The following CTNND2 variants were observed in gnomAD, a reference collection of about 807,000 sequenced individuals.
CTNND2 encodes catenin delta 2.
In CTNND2, 22 loss-of-function variants were observed where a neutral mutation model predicts 144.4. The ratio of observed to expected loss-of-function variants is 0.15; its 90% CI spans 0.11 to 0.22. The LOEUF (loss-of-function observed/expected upper bound fraction) is 0.22, where lower values mean the gene tolerates loss of function less well. Ranked by LOEUF, CTNND2 falls within the 10% of genes least tolerant of loss-of-function variation. CTNND2 has a pLI of 1.00. For missense variants in CTNND2, 1,353 were observed against 1,618.8 expected, an observed-to-expected ratio of 0.84 and a Z score of 2.82; for synonymous variants, 751 against 695.6, an observed-to-expected ratio of 1.08 and a Z score of -1.25.
intron 3 of CTNND2, among the ~76,000 whole-genome samples, chr5:11,564,545 G>A (rs2150106613): frequency 6.6e-6 from 1 of 151,870 alleles, no homozygotes; most frequent in East Asian, 1.9e-4. Flanking sequence ...TTATGTATTA[G>A]CAAAAACAAT....
chr5:11,513,624 T>G (rs534498591), intron 3 of CTNND2, among the ~76,000 whole-genome samples: 11 of 152,328 alleles, frequency 7.2e-5, no homozygotes, highest in African/African-American at 2.6e-4. Context: ...TGAAGATCCC[T>G]AAGTATGTAT....
chr5:11,615,241 G>A (rs1481939406), intron 2 of CTNND2, among the ~76,000 whole-genome samples: 1 of 151,990 alleles, frequency 6.6e-6, no homozygotes, highest in African/African-American at 2.4e-5. Flanking sequence ...TACCTTTAAT[G>A]GCAAAAACCG....
intron 2 of CTNND2, among the ~76,000 whole-genome samples, chr5:11,718,494 A>C (rs1786479507): frequency 6.6e-6 from 1 of 152,162 alleles, no homozygotes; most frequent in Non-Finnish European, 1.5e-5. Flanking sequence ...GATTTCCCCA[A>C]AGCCTCTTGA....
At chr5:11,235,881 C>T (rs1265704761) in intron 10 of CTNND2, among the ~76,000 whole-genome samples, 3 of 152,202 alleles carry the variant, frequency 2.0e-5, no homozygotes, top group Non-Finnish European at 4.4e-5. Flanking sequence ...TCAAATCTCT[C>T]TTTCCACTCT....
intron 3 of CTNND2, among the ~76,000 whole-genome samples, chr5:11,470,905 G>GATGTCTAA (rs1767122195): frequency 7.1e-6 from 1 of 141,384 alleles, no homozygotes; most frequent in Non-Finnish European, 1.5e-5. Context: ...TTTCAACCAA[G>GATGTCTAA]ATGTCTAAGT....
chr5:11,014,128 C>T (rs1741371659), intron 18 of CTNND2, among the ~76,000 whole-genome samples: 1 of 152,206 alleles, frequency 6.6e-6, no homozygotes, highest in African/African-American at 2.4e-5. Flanking sequence ...GCAACTACTT[C>T]TTGGAGATGT....
Position 11,398,801 on chromosome 5 carries a change from A to G in CTNND2, c.440-1598T>C, listed in dbSNP as rs61749778. Among the ~76,000 whole-genome samples the G allele has an allele frequency of 3.0e-3, 452 of 152,326 alleles. 4 individuals are homozygous for G. The highest frequency in any genetic ancestry group is 0.01 in the African/African-American group (434 of 41,576). On this transcript the variant is annotated intron_variant, in intron 5 of 21. Coordinates refer to ENST00000304623, the MANE Select transcript of CTNND2 (RefSeq NM_001332.4). The stretch of plus-strand genomic sequence containing the variant: ...TGGCATTATAGGACTCAATCACTGA[A>G]TATAAGGAAGTCTCTGAGGGGAGAT...
intron 1 of CTNND2, among the ~76,000 whole-genome samples, chr5:11,805,415 T>C (rs1387785315): frequency 2.0e-5 from 3 of 152,040 alleles, no homozygotes; most frequent in African/African-American, 7.2e-5. Flanking sequence ...TATTCTTCAA[T>C]AAAAGGAATC....
chr5:11,172,170 G>T (rs1421214100), intron 11 of CTNND2, among the ~76,000 whole-genome samples: 1 of 152,178 alleles, frequency 6.6e-6, no homozygotes, highest in Non-Finnish European at 1.5e-5. Context: ...AAAGTGATCT[G>T]GGGTGGGTCC....
chr5:11,388,040 T>C (rs1477549152), intron 6 of CTNND2, among the ~76,000 whole-genome samples: 3 of 152,196 alleles, frequency 2.0e-5, no homozygotes, highest in Non-Finnish European at 4.4e-5. Flanking sequence ...ACATGAGCTG[T>C]AGACATTTTG....
At chr5:11,160,148 T>A (rs1758631929) in intron 11 of CTNND2, among the ~76,000 whole-genome samples, 1 of 152,226 alleles carries the variant, frequency 6.6e-6, no homozygotes, top group African/African-American at 2.4e-5. Context: ...ATCTTTGTCT[T>A]ACCCAAGACC....
At chr5:11,767,866 T>C (rs979271573) in intron 1 of CTNND2, among the ~76,000 whole-genome samples, 1 of 152,150 alleles carries the variant, frequency 6.6e-6, no homozygotes, top group Admixed American at 6.5e-5. Context: ...TTGGATAATA[T>C]CTGTCAAATT....
intron 16 of CTNND2, among the ~76,000 whole-genome samples, chr5:11,036,659 G>A (rs565454418): frequency 9.2e-5 from 14 of 152,238 alleles, no homozygotes; most frequent in Non-Finnish European, 1.9e-4. Context: ...AAAGTGCTGG[G>A]ACTACAGGCA....
chr5:11,589,423 T>C (rs1779097320), intron 2 of CTNND2, among the ~76,000 whole-genome samples: 1 of 152,086 alleles, frequency 6.6e-6, no homozygotes, highest in Non-Finnish European at 1.5e-5. Flanking sequence ...TTGTTTAGAG[T>C]TCATATTCAA....
intron 3 of CTNND2, among the ~76,000 whole-genome samples, chr5:11,537,609 A>T (rs1027715256): frequency 6.6e-6 from 1 of 152,146 alleles, no homozygotes; most frequent in Non-Finnish European, 1.5e-5. Context: ...CTGCTTTTAC[A>T]TGGAAAAGGA....
intron 2 of CTNND2, among the ~76,000 whole-genome samples, chr5:11,620,592 G>A (rs1780782504): frequency 6.6e-6 from 1 of 152,124 alleles, no homozygotes; most frequent in Non-Finnish European, 1.5e-5. Flanking sequence ...ATATCATGGG[G>A]TGCCCCTCAT....
At chr5:11,024,430 T>A (rs1182335441) in intron 16 of CTNND2, among the ~76,000 whole-genome samples, 1 of 152,234 alleles carries the variant, frequency 6.6e-6, no homozygotes, top group African/African-American at 2.4e-5. Flanking sequence ...TAAATCAGCC[T>A]TAACTCTGGT....
chr5:11,304,522 A>T (rs951312444), intron 9 of CTNND2, among the ~76,000 whole-genome samples: 3 of 152,190 alleles, frequency 2.0e-5, no homozygotes, highest in African/African-American at 7.2e-5. Flanking sequence ...TTGTATAATA[A>T]TTTTTGGTCC....
intron 9 of CTNND2, among the ~76,000 whole-genome samples, chr5:11,240,205 A>AC (rs1206238745): frequency 2.1e-5 from 2 of 95,006 alleles, no homozygotes; most frequent in East Asian, 2.9e-4. Context: ...ACACACACAC[A>AC]CCCCCAACAC....
Sources: gnomAD v4.1 joint callset for allele counts (sites outside exome capture counted in the v4.1 genomes callset) on GRCh38, gnomAD v4.1.1 for gene constraint, MANE v1.5 for transcripts, NCBI Gene and HGNC (gene_info 2026-07-23, HGNC 2026-07-21) for gene names.